The following ATP1A3 variants were observed in gnomAD, a reference collection of about 807,000 sequenced individuals.
ATP1A3 encodes the protein ATPase Na+/K+ transporting subunit alpha 3, also known as sodium/potassium-transporting ATPase subunit alpha-3.
A neutral mutation model predicts 108.8 loss-of-function variants in ATP1A3; 12 were observed. The ratio of observed to expected loss-of-function variants is 0.11; its 90% CI spans 0.07 to 0.18. The LOEUF is 0.18. Among genes scored for constraint, ATP1A3 ranks in the 10% least tolerant of loss-of-function variants. ATP1A3 has a pLI of 1.00. For missense variants in ATP1A3, 498 were observed against 1,387.7 expected (o/e 0.36, Z 10.19); for synonymous variants, 539 against 564.5 (o/e 0.95, Z 0.64).
At position 41,981,616 on chromosome 19, in the gene ATP1A3, C is replaced by A. The variant is rs34578730; in HGVS notation, c.1323G>T (p.Ala441=). 13 of 1,614,076 alleles carry A rather than the reference C, an allele frequency of 8.1e-6. No homozygotes were observed. In the Admixed American group the frequency reaches 1.8e-4, roughly 23 times the overall value. The part of the protein sequence containing the change: ...PVLKRDVAGD[A]SESALLKCIE... ...TGCACTTGAGCAGGGCAGACTCAGA[C>A]GCATCCCCAGCCACATCCCTCTGCA... The change falls in exon 11 of 23, where the codon GCG becomes GCT. Residue 441 remains alanine (A), a synonymous_variant. Transcript: ENST00000648268. This position sits in a 1 kb window ranked among gnomAD's most constrained non-coding sequence, Gnocchi z 5.0.
At chr19:41,982,855 A>G (rs1256174880) in intron 8 of ATP1A3, among the ~76,000 whole-genome samples, 1 of 152,172 alleles carries the variant, frequency 6.6e-6, no homozygotes, top group Non-Finnish European at 1.5e-5. Flanking sequence ...AAGTTAATCT[A>G]TGCTGTTAGC....
At chr19:41,977,892 C>T in intron 14 of ATP1A3, 44 bp downstream of exon 14, 1 of 1,611,006 alleles carries the variant, frequency 6.2e-7, no homozygotes, top group Non-Finnish European at 8.5e-7. Context: ...TGTGTCAACA[C>T]CCTAGAGGGA....
At position 41,968,083 on chromosome 19, in the gene ATP1A3, GAC is replaced by G. The variant is rs2075064719; in HGVS notation, c.2820-322_2820-321del. 6.6e-6 allele frequency among the ~76,000 whole-genome samples: 1 copy of G among 151,826 alleles called. No individual in the cohort carries two copies. The highest frequency in any genetic ancestry group is 1.5e-5 in the Non-Finnish European group (1 of 67,968). ...AGACACAGAGACAGGGACAGAAACA[GAC>G]ACAGAGACAGGGACAGACACAGAGA... On this transcript the variant is annotated intron_variant, in intron 20 of 22. Transcript: ENST00000648268. The surrounding 1 kb of genome is among the most constrained non-coding windows in gnomAD (Gnocchi z 5.0).
In ATP1A3 at chr19:41,975,894, C is replaced by T. The variant is rs1257360460; in HGVS notation, c.2095-97G>A. The T allele has an allele frequency of 7.8e-6, 12 of 1,534,674 alleles. No individual in the cohort carries two copies. The Admixed American group carries it at 1.2e-4, about 15-fold the overall frequency. On this transcript the variant is annotated intron_variant, in intron 15 of 22. Coordinates refer to ENST00000648268, the MANE Select transcript of ATP1A3 (RefSeq NM_152296.5). ...CCAGGACCCCAGCCCCCTCCTCCTT[C>T]AGACCTAGAAGTTCAGGTCCCCAAC...
chr19:41,970,140 G>C, intron 18 of ATP1A3, 45 bp downstream of exon 18: 2 of 1,614,116 alleles, frequency 1.2e-6, no homozygotes, highest in Non-Finnish European at 1.7e-6. Context: ...CACTGCTCTA[G>C]GCCCGGCACT....
chr19:41,978,381 C>T lies in ATP1A3; in HGVS notation c.1631-55G>A. 6.4e-7 allele frequency: 1 copy of T among 1,554,140 alleles called. No individual in the cohort carries two copies. The highest frequency in any genetic ancestry group is 8.7e-7 in the Non-Finnish European group (1 of 1,148,334). On this transcript the variant is annotated intron_variant, in intron 12 of 22. Transcript: ENST00000648268. The surrounding 1 kb of genome is among the most constrained non-coding windows in gnomAD (Gnocchi z 8.3). ...GGTCCCAGCCTCGGAACCTCCGCCCCATGCCCCTAGATGTCTGCATCGCCC... is the reference window on the plus strand; with the variant it reads ...GGTCCCAGCCTCGGAACCTCCGCCCTATGCCCCTAGATGTCTGCATCGCCC...
chr19:41,993,276 A>T, intron 1 of ATP1A3: 1 of 1,042,690 alleles, frequency 9.6e-7, no homozygotes, highest in Non-Finnish European at 1.4e-6. Context: ...TCTGCTGGAG[A>T]GACTCACAGA....
In ATP1A3 at chr19:41,968,873, C is replaced by T; in HGVS notation, c.2731G>A (p.Ala911Thr). The stretch of plus-strand genomic sequence containing the variant: ...ACGACAACGATGCTCACAAAGAAGG[C>T]CGTGTGGCAGGTGAACTCCACCACC... Reference protein sequence around the residue: ...RKVVEFTCHTAFFVSIVVVQW... With the variant: ...RKVVEFTCHTTFFVSIVVVQW... The change falls in exon 20 of 23, where the codon GCC (alanine) becomes ACC (threonine). Residue 911 changes from alanine (A) to threonine (T), a missense_variant. Ala to Thr is a moderately conservative substitution (Grantham distance 58). Around this residue, in one of 9 missense-constraint regions of ATP1A3, gnomAD observed 121 missense variants for 425.1 expected, o/e 0.28. Coordinates refer to ENST00000648268, the MANE Select transcript of ATP1A3 (RefSeq NM_152296.5). The surrounding 1 kb of genome is among the most constrained non-coding windows in gnomAD (Gnocchi z 5.0). 1 of 1,614,084 alleles carries T rather than the reference C, an allele frequency of 6.2e-7. No individual in the cohort carries two copies. Among genetic ancestry groups the T allele is most frequent in the South Asian group, 1.1e-5 (1 of 91,080 alleles).
chr19:41,986,289 T>G, intron 4 of ATP1A3, 60 bp from the exon 5 acceptor site: 1 of 1,542,834 alleles, frequency 6.5e-7, no homozygotes, highest in Non-Finnish European at 8.9e-7. Context: ...CACCAGTCCC[T>G]GCTCGCCTGG....
intron 16 of ATP1A3, among the ~76,000 whole-genome samples, chr19:41,972,290 G>A (rs906658416): frequency 6.6e-5 from 10 of 151,978 alleles, no homozygotes; most frequent in South Asian, 2.1e-4. Context: ...AGTCAGGCAC[G>A]GTGGCTCGAG....
chr19:41,972,537 C>T (rs973361833), intron 16 of ATP1A3, among the ~76,000 whole-genome samples: 4 of 151,874 alleles, frequency 2.6e-5, no homozygotes, highest in Non-Finnish European at 5.9e-5. Flanking sequence ...GAGGCTGAGG[C>T]GGGTGGATCA....
intron 11 of ATP1A3, among the ~76,000 whole-genome samples, chr19:41,979,990 C>T (rs2075212606): frequency 6.6e-6 from 1 of 152,194 alleles, no homozygotes; most frequent in South Asian, 2.1e-4. Context: ...CAGGATCTGG[C>T]CAGCACCCAC....
At chr19:41,987,830 G>T in intron 4 of ATP1A3, 106 bp downstream of exon 4, 2 of 1,371,098 alleles carry the variant, frequency 1.5e-6, no homozygotes, top group South Asian at 1.2e-5. Context: ...TGGGAAAAAG[G>T]GGGAGAGTGG....
At chr19:41,982,136 C>T (rs1568862745) in intron 8 of ATP1A3, 30 bp from the exon 9 acceptor site, 15 of 1,613,816 alleles carry the variant, frequency 9.3e-6, no homozygotes, top group Non-Finnish European at 1.2e-5. Context: ...AGGCAAGTTA[C>T]AGGGACAAGC....
chr19:41,988,404 G>A lies in ATP1A3; in HGVS notation c.94-27C>T, dbSNP rs782657844. On this transcript the variant is annotated intron_variant, in intron 2 of 22. Coordinates refer to ENST00000648268, the MANE Select transcript of ATP1A3 (RefSeq NM_152296.5). This position sits in a 1 kb window ranked among gnomAD's most constrained non-coding sequence, Gnocchi z 5.3. ...TGAGGAACAGGAGTTTGGGGGAGACGGTGAGTGCCTAGGCCAGCCAAGAAC... is the reference window on the plus strand; with the variant it reads ...TGAGGAACAGGAGTTTGGGGGAGACAGTGAGTGCCTAGGCCAGCCAAGAAC... The A allele has an allele frequency of 2.0e-5, 33 of 1,614,164 alleles. No individual in the cohort carries two copies. Among genetic ancestry groups the A allele is most frequent in the East Asian group, 1.1e-4 (5 of 44,874 alleles).
At position 41,985,262 on chromosome 19, in the gene ATP1A3, C is replaced by T; in HGVS notation, c.724+44G>A. ...GAGGCCTGACCCCCTGGGACACATCCCTGTGTCTGCCCCAGCTGTGTGTCT... is the reference window on the plus strand; with the variant it reads ...GAGGCCTGACCCCCTGGGACACATCTCTGTGTCTGCCCCAGCTGTGTGTCT... On this transcript the variant is annotated intron_variant, in intron 7 of 22. Transcript: ENST00000648268. The surrounding 1 kb of genome is among the most constrained non-coding windows in gnomAD (Gnocchi z 8.2). 6.2e-7 allele frequency: 1 copy of T among 1,613,676 alleles called. No homozygotes were observed. The highest frequency in any genetic ancestry group is 8.5e-7 in the Non-Finnish European group (1 of 1,179,608).
In ATP1A3 at chr19:41,968,179, G is replaced by A. The variant is rs1468088808; in HGVS notation, c.2820-416C>T. ...CACACAGAGGCTGAGAGAGAATCTA[G>A]GACACACAGGACCCCTTGAGAGAAA... is the stretch of plus-strand genomic sequence containing the variant. On this transcript the variant is annotated intron_variant, in intron 20 of 22. Transcript: ENST00000648268. The surrounding 1 kb of genome is among the most constrained non-coding windows in gnomAD (Gnocchi z 5.0). Among the ~76,000 whole-genome samples, 1 of 152,090 alleles carries A rather than the reference G, an allele frequency of 6.6e-6. No individual in the cohort carries two copies. The highest frequency in any genetic ancestry group is 1.5e-5 in the Non-Finnish European group (1 of 68,028).
Position 41,966,688 on chromosome 19 carries a change from G to A in ATP1A3, c.*249C>T, listed in dbSNP as rs1403119047. The A allele has an allele frequency of 1.3e-6, 2 of 1,538,000 alleles. No individual in the cohort carries two copies. The highest frequency in any genetic ancestry group is 1.8e-6 in the Non-Finnish European group (2 of 1,139,526). On this transcript the variant is annotated 3_prime_UTR_variant, in exon 23 of 23. Transcript: ENST00000648268. ...GAGCCCAGGGAGGTGGCTGGGGCGG[G>A]AGGAATGGATAGAGGGGTGAGGAGA...
chr19:41,974,544 G>A (rs79559606), intron 16 of ATP1A3, among the ~76,000 whole-genome samples: 160 of 152,266 alleles, frequency 1.1e-3, no homozygotes, highest in African/African-American at 3.7e-3. Flanking sequence ...CATTTAATCT[G>A]TTACTCTGGG....
Sources: gnomAD v4.1 joint callset for allele counts (sites outside exome capture counted in the v4.1 genomes callset) on GRCh38, gnomAD v4.1.1 for gene constraint, gnomAD v4.1.1 regional missense constraint, Gnocchi (gnomAD v3.1) non-coding constraint, MANE v1.5 for transcripts, NCBI Gene and HGNC (gene_info 2026-07-23, HGNC 2026-07-21) for gene names.